The following PLEKHG3 variants were observed in gnomAD, a reference collection of about 807,000 sequenced individuals.
PLEKHG3 encodes pleckstrin homology and RhoGEF domain containing G3, also known as pleckstrin homology domain-containing family G member 3.
Under a neutral mutation model 94.9 loss-of-function variants are expected in PLEKHG3, and 62 were observed. That is an observed-to-expected ratio of 0.65 (90% CI 0.53 to 0.81). The LOEUF is 0.81. PLEKHG3 is among the 30% of genes least tolerant of loss of function. The pLI is 0.00. For synonymous variants in PLEKHG3, 614 were observed against 654.0 expected (o/e 0.94, Z 0.93); for missense variants, 1,461 against 1,619.3 (o/e 0.90, Z 1.68).
Position 64,731,822 on chromosome 14 carries a change from G to A in PLEKHG3, c.1125+16G>A. On this transcript the variant is annotated intron_variant, in intron 9 of 16. Transcript: ENST00000247226. This position sits in a 1 kb window ranked among gnomAD's most constrained non-coding sequence, Gnocchi z 6.1. ...CAGCATCCAGGTGAGGGGAAGGTGG[G>A]GCTCAGGGGCTAGGGAACAAGATGC... 1.3e-6 allele frequency: 2 copies of A among 1,575,212 alleles called. No individual in the cohort carries two copies. Among genetic ancestry groups the A allele is most frequent in the Non-Finnish European group, 1.7e-6 (2 of 1,145,348 alleles).
chr14:64,749,004 G>A lies in PLEKHG3; in HGVS notation c.*5301G>A. 1 of 307,472 alleles carries A rather than the reference G, an allele frequency of 3.3e-6. No homozygotes were observed. The highest frequency in any genetic ancestry group is 3.6e-5 in the South Asian group (1 of 27,620). The allele number at this position is 307,472 out of a possible 1,614,324, so 19.0% of individuals were successfully genotyped here. A position where few individuals can be genotyped will look rare whatever the true frequency, so the allele number is the denominator to read the frequency against. ...CCCTCGGCTCAGGAGGAGGGTGGGAGAGGAGGGCGTGTGCCTCAGAGAACC... is the reference window on the plus strand; with the variant it reads ...CCCTCGGCTCAGGAGGAGGGTGGGAAAGGAGGGCGTGTGCCTCAGAGAACC... On this transcript the variant is annotated 3_prime_UTR_variant, in exon 17 of 17. Coordinates refer to ENST00000247226, the MANE Select transcript of PLEKHG3 (RefSeq NM_001308147.2). The surrounding 1 kb of genome is among the most constrained non-coding windows in gnomAD (Gnocchi z 4.7).
chr14:64,706,969 G>A (rs758582178), intron 1 of PLEKHG3, among the ~76,000 whole-genome samples: 1 of 152,246 alleles, frequency 6.6e-6, no homozygotes, highest in African/African-American at 2.4e-5. Flanking sequence ...GGGTTGCAGG[G>A]ACTCTGGGAG....
chr14:64,739,909 T>C lies in PLEKHG3; in HGVS notation c.1518+1054T>C, dbSNP rs2081652585. On this transcript the variant is annotated intron_variant, in intron 15 of 16. Coordinates refer to ENST00000247226, the MANE Select transcript of PLEKHG3 (RefSeq NM_001308147.2). This position sits in a 1 kb window ranked among gnomAD's most constrained non-coding sequence, Gnocchi z 4.1. ...TGGCAATTTTAGAGATACACAGACA[T>C]TCAGAGCAGAGCAAATTGGGGTGTC... Among the ~76,000 whole-genome samples the C allele has an allele frequency of 6.6e-6, 1 of 152,190 alleles. No homozygotes were observed. The highest frequency in any genetic ancestry group is 2.4e-5 in the African/African-American group (1 of 41,428).
rs543424721 is a variant in PLEKHG3, at chr14:64,742,274, C to G, written c.2757C>G (p.Ser919Arg). 6.2e-7 allele frequency: 1 copy of G among 1,612,932 alleles called. No homozygotes were observed. The highest frequency in any genetic ancestry group is 2.2e-5 in the East Asian group (1 of 44,874). Reference protein sequence around the residue: ...QLSHVMDSHVSERVKNKVYQL... With the variant: ...QLSHVMDSHVRERVKNKVYQL... ...CCCACGTAATGGACAGCCACGTGAGCGAGCGCGTCAAGAACAAGGTCTACC... is the reference window on the plus strand; with the variant it reads ...CCCACGTAATGGACAGCCACGTGAGGGAGCGCGTCAAGAACAAGGTCTACC... Residue 919 changes from serine (S) to arginine (R), a missense_variant, in exon 16 of 17, where the codon AGC (serine) becomes AGG (arginine). Physicochemically the swap from Ser to Arg is moderately radical, Grantham distance 110 (BLOSUM62 -1). Coordinates refer to ENST00000247226, the MANE Select transcript of PLEKHG3 (RefSeq NM_001308147.2).
chr14:64,727,748 C>A lies in PLEKHG3; in HGVS notation c.117C>A (p.Pro39=). 2.5e-6 allele frequency: 4 copies of A among 1,611,336 alleles called. No homozygotes were observed. Among genetic ancestry groups the A allele is most frequent in the Non-Finnish European group, 3.4e-6 (4 of 1,178,584 alleles). ...ACAGTCGCAGTGCCATGGAGGAGCC[C>A]AGCAGCTCCGAGGCTCCCGCCAAGA... ...SCDSRSAMEE[P]SSSEAPAKNG... is the part of the protein sequence containing the mutation. The change falls in exon 2 of 17, where the codon CCC becomes CCA. Residue 39 remains proline, a synonymous_variant. Coordinates refer to ENST00000247226, the MANE Select transcript of PLEKHG3 (RefSeq NM_001308147.2). This position sits in a 1 kb window ranked among gnomAD's most constrained non-coding sequence, Gnocchi z 6.0.
chr14:64,732,874 A>G lies in PLEKHG3; in HGVS notation c.1318A>G (p.Asn440Asp). The change falls in exon 12 of 17, where the codon AAT becomes GAT. Residue 440 changes from asparagine to aspartate, a missense_variant. Asn to Asp is a conservative substitution (Grantham distance 23). Coordinates refer to ENST00000247226, the MANE Select transcript of PLEKHG3 (RefSeq NM_001308147.2). This position sits in a 1 kb window ranked among gnomAD's most constrained non-coding sequence, Gnocchi z 4.9. ...GTCCTCCCAGGATGAGGTGTCCACCAATGTGCGCCAGGGGCGCCGGCAATC... is the reference window on the plus strand; with the variant it reads ...GTCCTCCCAGGATGAGGTGTCCACCGATGTGCGCCAGGGGCGCCGGCAATC... ...AWSSQDEVSTNVRQGRRQSEP... is the reference protein window; with the variant it reads ...AWSSQDEVSTDVRQGRRQSEP... The G allele has an allele frequency of 6.2e-7, 1 of 1,609,724 alleles. No individual in the cohort carries two copies. The highest frequency in any genetic ancestry group is 1.1e-5 in the South Asian group (1 of 89,778).
Position 64,728,939 on chromosome 14 carries a change from A to C in PLEKHG3, c.352-57A>C, listed in dbSNP as rs572097013. 1 of 672,784 alleles carries C rather than the reference A, an allele frequency of 1.5e-6. No individual in the cohort carries two copies. The highest frequency in any genetic ancestry group is 1.6e-5 in the South Asian group (1 of 60,816). 41.7% of individuals were successfully genotyped at this position (672,784 alleles called of 1,614,324 possible). A position where few individuals can be genotyped will look rare whatever the true frequency, so the allele number is the denominator to read the frequency against. On this transcript the variant is annotated intron_variant, in intron 2 of 16. Coordinates refer to ENST00000247226, the MANE Select transcript of PLEKHG3 (RefSeq NM_001308147.2). This position sits in a 1 kb window ranked among gnomAD's most constrained non-coding sequence, Gnocchi z 5.9. ...GGGCCGAAACGAGGTGTGGCTAGGG[A>C]AGGTAGTGGGCAGGGTTGTGCCGGG...
chr14:64,734,735 T>G (rs2081538381), intron 12 of PLEKHG3, among the ~76,000 whole-genome samples: 1 of 138,278 alleles, frequency 7.2e-6, no homozygotes, highest in East Asian at 2.6e-4. Flanking sequence ...CCTTCTTTCC[T>G]TCCTTCCTTC....
Position 64,732,693 on chromosome 14 carries a change from TG to T in PLEKHG3, c.1247-108del. On this transcript the variant is annotated intron_variant, in intron 11 of 16. Coordinates refer to ENST00000247226, the MANE Select transcript of PLEKHG3 (RefSeq NM_001308147.2). The surrounding 1 kb of genome is among the most constrained non-coding windows in gnomAD (Gnocchi z 4.9). ...AGATGGAGGGAGCTCTGGAGGCTCC[TG>T]GCCCTGGAGCTGGGTGGGTATAGAG... 1.2e-6 allele frequency: 1 copy of T among 843,504 alleles called. No individual in the cohort carries two copies. Among genetic ancestry groups the T allele is most frequent in the Non-Finnish European group, 1.9e-6 (1 of 526,290 alleles). The allele number at this position is 843,504 out of a possible 1,614,324, so 52.3% of individuals were successfully genotyped here. A position where few individuals can be genotyped will look rare whatever the true frequency, so the allele number is the denominator to read the frequency against.
Position 64,749,671 on chromosome 14 carries a change from A to G in PLEKHG3, c.*5968A>G. Reference sequence around the variant, plus strand: ...GCGCTTACCTCATCCTTGCCATGGAAGAGCCACTCGCTGCCATTACTCAGC... The same window carrying G: ...GCGCTTACCTCATCCTTGCCATGGAGGAGCCACTCGCTGCCATTACTCAGC... On this transcript the variant is annotated 3_prime_UTR_variant, in exon 17 of 17. Transcript: ENST00000247226. The surrounding 1 kb of genome is among the most constrained non-coding windows in gnomAD (Gnocchi z 4.7). 1 of 1,613,848 alleles carries G rather than the reference A, an allele frequency of 6.2e-7. No individual in the cohort carries two copies. The highest frequency in any genetic ancestry group is 8.5e-7 in the Non-Finnish European group (1 of 1,179,960).
chr14:64,717,715 G>T lies in PLEKHG3; in HGVS notation c.-39-9878G>T, dbSNP rs988213059. ...CATTCTTTCTAGCTAATGTTCCCTCGATCTCTCGCTCCTCCTCGAAGCTGT... is the reference window on the plus strand; with the variant it reads ...CATTCTTTCTAGCTAATGTTCCCTCTATCTCTCGCTCCTCCTCGAAGCTGT... On this transcript the variant is annotated intron_variant, in intron 1 of 16. Coordinates refer to ENST00000247226, the MANE Select transcript of PLEKHG3 (RefSeq NM_001308147.2). This position sits in a 1 kb window ranked among gnomAD's most constrained non-coding sequence, Gnocchi z 4.7. 6.6e-6 allele frequency among the ~76,000 whole-genome samples: 1 copy of T among 152,144 alleles called. No homozygotes were observed. The highest frequency in any genetic ancestry group is 1.5e-5 in the Non-Finnish European group (1 of 68,034).
In PLEKHG3 at chr14:64,747,199, G is replaced by GA. The variant is rs2139407066; in HGVS notation, c.*3498dup. The GA allele has an allele frequency of 6.6e-6, 1 of 152,638 alleles. No individual in the cohort carries two copies. The highest frequency in any genetic ancestry group is 1.5e-5 in the Non-Finnish European group (1 of 68,068). The allele number at this position is 152,638 out of a possible 1,614,324, so 9.5% of individuals were successfully genotyped here. A position where few individuals can be genotyped will look rare whatever the true frequency, so the allele number is the denominator to read the frequency against. On this transcript the variant is annotated 3_prime_UTR_variant, in exon 17 of 17. Transcript: ENST00000247226. ...TTCAGGTGCTGATTTGGCACACGTG[G>GA]AAGGGGGAGGGTGGGCCCTTGTCCC... is the stretch of plus-strand genomic sequence containing the variant.
chr14:64,711,051 A>G (rs1323626662), intron 1 of PLEKHG3, among the ~76,000 whole-genome samples: 1 of 152,190 alleles, frequency 6.6e-6, no homozygotes, highest in Non-Finnish European at 1.5e-5. Context: ...TTAGGTAATA[A>G]TATCACTAAT....
chr14:64,737,104 C>T, intron 13 of PLEKHG3: 1 of 649,488 alleles, frequency 1.5e-6, no homozygotes, highest in Non-Finnish European at 2.8e-6. Flanking sequence ...GCCTCATGCC[C>T]TTTCCTCCGG....
In PLEKHG3 at chr14:64,721,376, T is replaced by G. The variant is rs17102010; in HGVS notation, c.-39-6217T>G. ...CCAAGGTCAGGCCGAGGGAACTTTC[T>G]GGACTTCAGTTGCAGGCCCAGGCTT... is the stretch of plus-strand genomic sequence containing the variant. On this transcript the variant is annotated intron_variant, in intron 1 of 16. Transcript: ENST00000247226. This position sits in a 1 kb window ranked among gnomAD's most constrained non-coding sequence, Gnocchi z 4.3. Among the ~76,000 whole-genome samples, 2,104 of 152,286 alleles carry G rather than the reference T, an allele frequency of 0.014. 56 individuals carry two copies. Among genetic ancestry groups the G allele is most frequent in the African/African-American group, 0.048 (1,978 of 41,560 alleles).
rs753496514 is a variant in PLEKHG3, at chr14:64,749,603, C to T, written c.*5900C>T. On this transcript the variant is annotated 3_prime_UTR_variant, in exon 17 of 17. Transcript: ENST00000247226. The surrounding 1 kb of genome is among the most constrained non-coding windows in gnomAD (Gnocchi z 4.7). ...CCTCCAGGGCAAGCGGCCTGGGGTC[C>T]TCCACCTACCCCCTTCTTAGCCAGG... The T allele has an allele frequency of 1.2e-6, 2 of 1,611,670 alleles. No homozygotes were observed. The highest frequency in any genetic ancestry group is 1.1e-5 in the South Asian group (1 of 91,062).
In PLEKHG3 at chr14:64,749,375, G is replaced by A. The variant is rs750587649; in HGVS notation, c.*5672G>A. The A allele has an allele frequency of 7.5e-6, 12 of 1,610,154 alleles. No individual in the cohort carries two copies. Among genetic ancestry groups the A allele is most frequent in the South Asian group, 3.3e-5 (3 of 90,992 alleles). On this transcript the variant is annotated 3_prime_UTR_variant, in exon 17 of 17. Transcript: ENST00000247226. The surrounding 1 kb of genome is among the most constrained non-coding windows in gnomAD (Gnocchi z 4.7). ...TCTTGCCGAGGCTGGCGTCGGGGCC[G>A]GAGAGGGAAGGCAGGGGCAGGCTCT...
chr14:64,727,208 C>T lies in PLEKHG3; in HGVS notation c.-39-385C>T, dbSNP rs921701745. Among the ~76,000 whole-genome samples, 3 of 152,092 alleles carry T rather than the reference C, an allele frequency of 2.0e-5. No homozygotes were observed. The highest frequency in any genetic ancestry group is 7.2e-5 in the African/African-American group (3 of 41,396). On this transcript the variant is annotated intron_variant, in intron 1 of 16. Transcript: ENST00000247226. This position sits in a 1 kb window ranked among gnomAD's most constrained non-coding sequence, Gnocchi z 6.0. ...ACTGTGCCCCAGCAGTGGGGCTGGG[C>T]TGTGAATTCCTTAGAGGGTACCTGG...
rs1314631788 is a variant in PLEKHG3, at chr14:64,743,971, A to G, written c.*268A>G. 8.7e-6 allele frequency: 3 copies of G among 343,118 alleles called. No homozygotes were observed. Among genetic ancestry groups the G allele is most frequent in the East Asian group, 4.9e-5 (1 of 20,206 alleles). The allele number at this position is 343,118 out of a possible 1,614,324, so 21.3% of individuals were successfully genotyped here. On this transcript the variant is annotated 3_prime_UTR_variant, in exon 17 of 17. Transcript: ENST00000247226. This position sits in a 1 kb window ranked among gnomAD's most constrained non-coding sequence, Gnocchi z 7.2. ...ATAGTTGTTCTCTGGTAAGAAGCCAAATATTTAAGCTCACTTCTTCCCAGA... is the reference window on the plus strand; with the variant it reads ...ATAGTTGTTCTCTGGTAAGAAGCCAGATATTTAAGCTCACTTCTTCCCAGA...
Sources: allele counts gnomAD v4.1 joint callset (sites outside exome capture counted in the v4.1 genomes callset), GRCh38; gene constraint gnomAD v4.1.1; non-coding constraint Gnocchi (gnomAD v3.1); transcripts MANE v1.5; gene names NCBI Gene and HGNC (gene_info 2026-07-23, HGNC 2026-07-21).